PPP2R2B: variants seen among roughly 807,000 people sequenced by gnomAD.
The protein encoded by PPP2R2B is protein phosphatase 2 regulatory subunit Bbeta.
PPP2R2B carries 5 observed loss-of-function variants against 46.0 expected under a neutral mutation model. The ratio of observed to expected loss-of-function variants is 0.11; its 90% confidence interval spans 0.06 to 0.23. The LOEUF is 0.23. Ranked by LOEUF, PPP2R2B falls within the 10% of genes least tolerant of loss-of-function variation. The probability of loss-of-function intolerance (pLI) is 1.00; values close to 1 mark genes in which losing one functional copy is unlikely to be tolerated. For synonymous variants in PPP2R2B, 215 were observed against 206.7 expected (o/e 1.04, Z -0.34); for missense variants, 367 against 575.0 (o/e 0.64, Z 3.70).
chr5:146,832,399 T>A (rs1430053034), intron 2 of PPP2R2B, among the ~76,000 whole-genome samples: 1 of 140,080 alleles, frequency 7.1e-6, no homozygotes, highest in Non-Finnish European at 1.5e-5. Flanking sequence ...TTTTTTTTTT[T>A]TTTTTTTTTG....
intron 2 of PPP2R2B, among the ~76,000 whole-genome samples, chr5:146,808,988 T>TGC (rs1275889967): frequency 2.0e-5 from 3 of 150,764 alleles, no homozygotes; most frequent in African/African-American, 7.4e-5. Flanking sequence ...TGTGTGTGTG[T>TGC]GTGTGTGCGC....
chr5:146,903,004 A>T (rs1315977963), intron 1 of PPP2R2B, among the ~76,000 whole-genome samples: 1 of 152,214 alleles, frequency 6.6e-6, no homozygotes, highest in African/African-American at 2.4e-5. Flanking sequence ...AGTGTACAGC[A>T]GGGTTTCCCA....
At position 146,586,816 on chromosome 5, in the gene PPP2R2B, T is replaced by C. The variant is rs535748548; in HGVS notation, c.*3131A>G. ...GCCCATCTGCCTTTATATATCCCAC[T>C]TCTTGATGCTGGCTAGTATCTTCCT... is the stretch of plus-strand genomic sequence containing the variant. On this transcript the variant is annotated 3_prime_UTR_variant, in exon 10 of 10. Transcript: ENST00000394411. 2 of 152,348 alleles carry C rather than the reference T, an allele frequency of 1.3e-5. No individual in the cohort carries two copies. The highest frequency in any genetic ancestry group is 4.1e-4 in the South Asian group (2 of 4,828). 9.4% of individuals were successfully genotyped at this position (152,348 alleles called of 1,614,324 possible). A position where few individuals can be genotyped will look rare whatever the true frequency, so the allele number is the denominator to read the frequency against.
At chr5:146,684,160 A>G (rs967221139) in intron 5 of PPP2R2B, among the ~76,000 whole-genome samples, 1 of 152,218 alleles carries the variant, frequency 6.6e-6, no homozygotes, top group Non-Finnish European at 1.5e-5. Flanking sequence ...GAAAGGAAAG[A>G]TGAAACCATA....
In PPP2R2B at chr5:146,900,550, CCTTT is replaced by C. The variant is rs775607757; in HGVS notation, c.79+155111_79+155114del. Among the ~76,000 whole-genome samples, 508 of 93,410 alleles carry C rather than the reference CCTTT, an allele frequency of 5.4e-3. 7 individuals are homozygous for C. Among genetic ancestry groups the C allele is most frequent in the African/African-American group, 0.015 (335 of 22,064 alleles). 61.3% of individuals were successfully genotyped at this position (93,410 alleles called of 152,430 possible). A position where few individuals can be genotyped will look rare whatever the true frequency, so the allele number is the denominator to read the frequency against. ...CCTTTCCTTTCCTTTCTTTTTCCTT[CCTTT>C]CTTCCTTCCTTCCTTCCTTCCTTCC... On this transcript the variant is annotated intron_variant, in intron 1 of 8. Coordinates refer to the PPP2R2B transcript ENST00000336640.
At chr5:146,733,915 A>C (rs1752383836) in intron 2 of PPP2R2B, among the ~76,000 whole-genome samples, 1 of 152,170 alleles carries the variant, frequency 6.6e-6, no homozygotes. Flanking sequence ...AGACAATAAT[A>C]ACGGCAGTAG....
chr5:146,815,700 C>T (rs1372117246), intron 2 of PPP2R2B, among the ~76,000 whole-genome samples: 1 of 152,182 alleles, frequency 6.6e-6, no homozygotes, highest in Non-Finnish European at 1.5e-5. Flanking sequence ...GTTTGTGACT[C>T]CATTTTAACC....
At chr5:146,602,447 A>C (rs1771874982) in intron 7 of PPP2R2B, among the ~76,000 whole-genome samples, 1 of 152,146 alleles carries the variant, frequency 6.6e-6, no homozygotes, top group Non-Finnish European at 1.5e-5. Context: ...GCTGACATTC[A>C]ATTATTTTTG....
At chr5:146,916,669 A>C (rs1582419912) in intron 1 of PPP2R2B, among the ~76,000 whole-genome samples, 1 of 152,174 alleles carries the variant, frequency 6.6e-6, no homozygotes, top group Non-Finnish European at 1.5e-5. Context: ...TCCAAACAGT[A>C]GCTCCAGATT....
chr5:146,812,801 A>ATATATATATATATATG (rs2151322516), intron 2 of PPP2R2B, among the ~76,000 whole-genome samples: 8 of 51,182 alleles, frequency 1.6e-4, no homozygotes, highest in Non-Finnish European at 2.5e-4. Flanking sequence ...GTGTATATAT[A>ATATATATATATATATG]TATATATATA....
chr5:146,665,615 T>C (rs558988553), intron 5 of PPP2R2B, among the ~76,000 whole-genome samples: 3 of 152,358 alleles, frequency 2.0e-5, no homozygotes, highest in South Asian at 4.1e-4. Context: ...TGAAGTAGCA[T>C]TTTTAATTTC....
At chr5:146,946,143 A>C (rs1268390992) in intron 1 of PPP2R2B, among the ~76,000 whole-genome samples, 2 of 152,196 alleles carry the variant, frequency 1.3e-5, no homozygotes, top group East Asian at 1.9e-4. Context: ...GTAGCCGCTT[A>C]AGCAACAGCT....
intron 2 of PPP2R2B, among the ~76,000 whole-genome samples, chr5:146,860,775 G>A (rs1249145492): frequency 6.6e-6 from 1 of 152,150 alleles, no homozygotes; most frequent in Non-Finnish European, 1.5e-5. Flanking sequence ...TCTTAGATGA[G>A]TTTTCCATCA....
intron 2 of PPP2R2B, among the ~76,000 whole-genome samples, chr5:146,798,788 G>A (rs1417233573): frequency 1.3e-5 from 2 of 152,118 alleles, no homozygotes; most frequent in East Asian, 3.9e-4. Flanking sequence ...GAAGGGAATT[G>A]TAGCTTCAGG....
At chr5:146,658,145 A>G (rs991819304) in intron 5 of PPP2R2B, among the ~76,000 whole-genome samples, 1 of 152,160 alleles carries the variant, frequency 6.6e-6, no homozygotes, top group Non-Finnish European at 1.5e-5. Context: ...TAGAAAAGAC[A>G]AAGATGAGAG....
At chr5:146,708,407 ATGTGTGTGTGTG>A (rs148698250) in intron 2 of PPP2R2B, among the ~76,000 whole-genome samples, 10 of 138,708 alleles carry the variant, frequency 7.2e-5, no homozygotes, top group East Asian at 4.1e-4. Context: ...GTGTGTGTGT[ATGTGTGTGTGTG>A]TGTGTGTGTG....
In PPP2R2B at chr5:146,643,838, GA is replaced by G. The variant is rs137908158; in HGVS notation, c.626-5424del. On this transcript the variant is annotated intron_variant, in intron 6 of 9. Transcript: ENST00000394411. ...AATATGCCTGATATATAAATGGATA[GA>G]AAAAAGTGTGAGTCCATATCCTAAA... Among the ~76,000 whole-genome samples, 1,028 of 152,296 alleles carry G rather than the reference GA, an allele frequency of 6.8e-3. 6 individuals carry two copies. The highest frequency in any genetic ancestry group is 0.011 in the Admixed American group (173 of 15,302).
chr5:146,927,692 C>G (rs953796818), intron 1 of PPP2R2B, among the ~76,000 whole-genome samples: 66 of 151,940 alleles, frequency 4.3e-4, no homozygotes, highest in African/African-American at 1.5e-3. Flanking sequence ...CTCCAGGCAG[C>G]CATTATATGG....
intron 2 of PPP2R2B, among the ~76,000 whole-genome samples, chr5:146,727,677 T>A (rs1447998490): frequency 6.6e-6 from 1 of 152,078 alleles, no homozygotes; most frequent in Non-Finnish European, 1.5e-5. Context: ...AAAGAAATTT[T>A]AAAAAAATTA....
Sources: allele counts gnomAD v4.1 joint callset (sites outside exome capture counted in the v4.1 genomes callset), GRCh38; gene constraint gnomAD v4.1.1; transcripts MANE v1.5; gene names NCBI Gene and HGNC (gene_info 2026-07-23, HGNC 2026-07-21).